The following PDE8B variants were observed in gnomAD, a reference collection of about 807,000 sequenced individuals.
PDE8B encodes phosphodiesterase 8B.
PDE8B carries 26 observed loss-of-function variants against 101.3 expected under a neutral mutation model. That is an observed-to-expected ratio of 0.26 (90% CI 0.19 to 0.36). PDE8B has a LOEUF of 0.36. Ranked by LOEUF, PDE8B falls within the 10% of genes least tolerant of loss-of-function variation. PDE8B has a pLI of 1.00. For missense variants in PDE8B, 810 were observed against 1,163.1 expected (o/e 0.70, Z 4.42); for synonymous variants, 424 against 429.3 (o/e 0.99, Z 0.15).
upstream of PDE8B, among the ~76,000 whole-genome samples, chr5:77,208,816 GTAA>G (rs1747721138): frequency 6.6e-6 from 1 of 152,174 alleles, no homozygotes; most frequent in Non-Finnish European, 1.5e-5. Flanking sequence ...TGGCCTGCAT[GTAA>G]AGACTGGTCC....
the PDE8B span, among the ~76,000 whole-genome samples, chr5:77,092,877 A>G: frequency 1.3e-5 from 2 of 152,172 alleles, no homozygotes; most frequent in African/African-American, 2.4e-5. Flanking sequence ...ACCTGATCAC[A>G]TACACCAATA....
chr5:77,368,274 CTT>C (rs1784488437), intron 10 of PDE8B, among the ~76,000 whole-genome samples: 2 of 152,320 alleles, frequency 1.3e-5, no homozygotes, highest in South Asian at 4.1e-4. Context: ...ACACTTGACT[CTT>C]TTATTTCTGT....
At chr5:77,336,611 T>G (rs913036135) in intron 5 of PDE8B, among the ~76,000 whole-genome samples, 3 of 140,480 alleles carry the variant, frequency 2.1e-5, no homozygotes, top group Admixed American at 2.1e-4. Context: ...CACCACAATT[T>G]GTTTATCTGT....
At position 77,211,962 on chromosome 5, in the gene PDE8B, G is replaced by T. The variant is rs888432879; in HGVS notation, c.339+698G>T. On this transcript the variant is annotated intron_variant, in intron 1 of 21. Coordinates refer to ENST00000264917, the MANE Select transcript of PDE8B (RefSeq NM_003719.5). This position sits in a 1 kb window ranked among gnomAD's most constrained non-coding sequence, Gnocchi z 4.1. ...GGGACGTGGTTTCCAGTGCAGTACA[G>T]CTGTCTGAGGATGATTCTGCACATA... is the stretch of plus-strand genomic sequence containing the variant. 1.3e-5 allele frequency among the ~76,000 whole-genome samples: 2 copies of T among 152,156 alleles called. No individual in the cohort carries two copies. Among genetic ancestry groups the T allele is most frequent in the African/African-American group, 2.4e-5 (1 of 41,396 alleles).
At chr5:77,090,582 A>AT in the PDE8B span, among the ~76,000 whole-genome samples, 4 of 152,024 alleles carry the variant, frequency 2.6e-5, no homozygotes, top group Non-Finnish European at 1.5e-5. Context: ...CGAAGAGAAG[A>AT]TTTTTTTTCT....
At chr5:77,259,084 CA>C (rs1226779769) in intron 1 of PDE8B, among the ~76,000 whole-genome samples, 1,137 of 70,618 alleles carry the variant, frequency 0.016, 72 homozygotes, top group African/African-American at 0.028. Context: ...GCCCCCCCCC[CA>C]CACACACACA....
At chr5:77,130,279 G>A in the PDE8B span, among the ~76,000 whole-genome samples, 1 of 152,164 alleles carries the variant, frequency 6.6e-6, no homozygotes, top group Non-Finnish European at 1.5e-5. Flanking sequence ...TGTGATTGGT[G>A]TGGGGAAGTT....
At chr5:77,309,941 A>ACCT (rs772985826) in intron 1 of PDE8B, among the ~76,000 whole-genome samples, 1,832 of 82,892 alleles carry the variant, frequency 0.022, 247 homozygotes, top group East Asian at 0.035. Flanking sequence ...TTAATCATTA[A>ACCT]TCTTTTTTTT....
At chr5:77,235,709 C>CT (rs973574138) in intron 1 of PDE8B, among the ~76,000 whole-genome samples, 1 of 151,630 alleles carries the variant, frequency 6.6e-6, no homozygotes, top group Non-Finnish European at 1.5e-5. Flanking sequence ...ATATCCTTCT[C>CT]TTTTTTTCAC....
At chr5:77,287,589 G>A (rs777312903) in intron 1 of PDE8B, among the ~76,000 whole-genome samples, 1 of 152,006 alleles carries the variant, frequency 6.6e-6, no homozygotes, top group Non-Finnish European at 1.5e-5. Context: ...GAAATTACAT[G>A]TATGTGACAC....
intron 9 of PDE8B, among the ~76,000 whole-genome samples, chr5:77,351,997 G>A (rs1019445193): frequency 1.2e-4 from 19 of 152,216 alleles, no homozygotes; most frequent in African/African-American, 4.3e-4. Context: ...ATTTGTAATA[G>A]CTTGTTTCCC....
chr5:77,176,658 C>G, the PDE8B span, among the ~76,000 whole-genome samples: 27 of 152,084 alleles, frequency 1.8e-4, no homozygotes, highest in Non-Finnish European at 3.2e-4. Context: ...AAGGGACAGA[C>G]AGAGAGCAGT....
At chr5:77,157,060 C>T in the PDE8B span, among the ~76,000 whole-genome samples, 1 of 152,142 alleles carries the variant, frequency 6.6e-6, no homozygotes, top group African/African-American at 2.4e-5. Context: ...GGCTTCTGAG[C>T]TCTGGTGACT....
the PDE8B span, among the ~76,000 whole-genome samples, chr5:77,169,978 C>T: frequency 2.8e-3 from 428 of 152,250 alleles, 4 homozygotes; most frequent in African/African-American, 9.8e-3. Context: ...TTTAGCTATA[C>T]GAAGACATGT....
At chr5:77,137,971 A>C in the PDE8B span, among the ~76,000 whole-genome samples, 1 of 152,170 alleles carries the variant, frequency 6.6e-6, no homozygotes, top group Non-Finnish European at 1.5e-5. Flanking sequence ...TTGCCAAGGT[A>C]GCTGGAAAGA....
At chr5:77,121,841 G>C in the PDE8B span, among the ~76,000 whole-genome samples, 1 of 152,140 alleles carries the variant, frequency 6.6e-6, no homozygotes, top group Non-Finnish European at 1.5e-5. Flanking sequence ...CATCAAAGAA[G>C]TTGAGAACAT....
At chr5:77,151,579 C>G in the PDE8B span, among the ~76,000 whole-genome samples, 1 of 152,198 alleles carries the variant, frequency 6.6e-6, no homozygotes, top group Non-Finnish European at 1.5e-5. Flanking sequence ...ATGGCTCAGG[C>G]ATGTGCACAT....
intron 1 of PDE8B, among the ~76,000 whole-genome samples, chr5:77,220,968 C>T (rs532547029): frequency 2.6e-5 from 4 of 152,274 alleles, no homozygotes; most frequent in Admixed American, 6.5e-5. Context: ...TCTGCTCAAC[C>T]GTCCTGTTTT....
intron 1 of PDE8B, among the ~76,000 whole-genome samples, chr5:77,261,665 C>T (rs973027331): frequency 2.6e-5 from 4 of 152,166 alleles, no homozygotes; most frequent in South Asian, 4.1e-4. Context: ...GGCCAGAGGG[C>T]CTGCTCTCCA....
Sources: allele counts gnomAD v4.1 joint callset (sites outside exome capture counted in the v4.1 genomes callset), GRCh38; gene constraint gnomAD v4.1.1; non-coding constraint Gnocchi (gnomAD v3.1); transcripts MANE v1.5; gene names NCBI Gene and HGNC (gene_info 2026-07-23, HGNC 2026-07-21).